Variants in COLEC12 observed in about 807,000 individuals in gnomAD.
The protein encoded by COLEC12 is collectin-12.
COLEC12 carries 33 observed loss-of-function variants against 71.1 expected under a neutral mutation model. That is an observed-to-expected ratio of 0.46 (90% CI 0.35 to 0.62). The LOEUF is 0.62. Ranked by LOEUF, COLEC12 falls within the 20% of genes least tolerant of loss-of-function variation. The pLI is 0.00. For synonymous variants in COLEC12, 350 were observed against 353.0 expected (o/e 0.99, Z 0.10); for missense variants, 765 against 916.1 (o/e 0.84, Z 2.13).
At chr18:446,126 A>G (rs1405817281) in intron 2 of COLEC12, among the ~76,000 whole-genome samples, 2 of 152,168 alleles carry the variant, frequency 1.3e-5, no homozygotes, top group East Asian at 3.8e-4. Flanking sequence ...CATTTTATTT[A>G]TCATTTACCA....
chr18:347,596 A>G (rs1914414112), intron 4 of COLEC12, among the ~76,000 whole-genome samples: 1 of 152,184 alleles, frequency 6.6e-6, no homozygotes, highest in South Asian at 2.1e-4. Context: ...GGAATTTACT[A>G]GATTTTAGGG....
intron 2 of COLEC12, among the ~76,000 whole-genome samples, chr18:420,533 A>T (rs781324519): frequency 1.3e-4 from 20 of 152,282 alleles, no homozygotes; most frequent in Middle Eastern, 3.4e-3. Flanking sequence ...AGCGATAAAA[A>T]ATTTTCTAGG....
intron 3 of COLEC12, among the ~76,000 whole-genome samples, chr18:350,959 CA>C (rs71174228): frequency 0.083 from 5,520 of 66,312 alleles, 231 homozygotes; most frequent in African/African-American, 0.23. Context: ...GACTCTGTCT[CA>C]AAAAAAAAAA....
At chr18:352,118 A>T (rs1914536187) in intron 3 of COLEC12, among the ~76,000 whole-genome samples, 1 of 152,320 alleles carries the variant, frequency 6.6e-6, no homozygotes, top group South Asian at 2.1e-4. Context: ...AGACAGAGAG[A>T]TGCAGTTCTA....
intron 2 of COLEC12, among the ~76,000 whole-genome samples, chr18:425,425 C>T (rs961221351): frequency 1.3e-5 from 2 of 152,158 alleles, no homozygotes; most frequent in African/African-American, 4.8e-5. Context: ...CCTCCTATCC[C>T]TTCTCAATTA....
At chr18:463,391 T>C (rs894460856) in intron 2 of COLEC12, among the ~76,000 whole-genome samples, 2 of 152,218 alleles carry the variant, frequency 1.3e-5, no homozygotes, top group Admixed American at 6.5e-5. Flanking sequence ...AATTGTTGCA[T>C]TTGGCCAGAA....
At chr18:419,330 T>C (rs533811794) in intron 2 of COLEC12, among the ~76,000 whole-genome samples, 1 of 152,124 alleles carries the variant, frequency 6.6e-6, no homozygotes, top group Non-Finnish European at 1.5e-5. Context: ...CTCAGCCTCC[T>C]GAGTAGCTGG....
Position 365,638 on chromosome 18 carries a change from G to GT in COLEC12, c.59-8117dup, listed in dbSNP as rs1445540346. On this transcript the variant is annotated intron_variant, in intron 2 of 9. Coordinates refer to ENST00000400256, the MANE Select transcript of COLEC12 (RefSeq NM_130386.3). ...AGGCAAGGAAGAAGGTGACAGGAGG[G>GT]TTTATCAGATGGCGATTAAAAAATT... is the stretch of plus-strand genomic sequence containing the variant. 2.0e-5 allele frequency among the ~76,000 whole-genome samples: 3 copies of GT among 152,086 alleles called. No individual in the cohort carries two copies. The East Asian group carries it at 5.8e-4, about 29-fold the overall frequency.
chr18:327,413 G>C lies in COLEC12; in HGVS notation c.2063+4255C>G, dbSNP rs867897401. ...TGGGGACCCATCCTTGGAACTGTCC[G>C]GGCCATTGCAGGTGGCATCTCACGC... On this transcript the variant is annotated intron_variant, in intron 8 of 9. Coordinates refer to ENST00000400256, the MANE Select transcript of COLEC12 (RefSeq NM_130386.3). This position sits in a 1 kb window ranked among gnomAD's most constrained non-coding sequence, Gnocchi z 4.0. Among the ~76,000 whole-genome samples, 1 of 152,092 alleles carries C rather than the reference G, an allele frequency of 6.6e-6. No individual in the cohort carries two copies. Among genetic ancestry groups the C allele is most frequent in the Non-Finnish European group, 1.5e-5 (1 of 68,032 alleles).
intron 2 of COLEC12, among the ~76,000 whole-genome samples, chr18:439,865 A>G (rs1268034293): frequency 6.6e-6 from 1 of 152,220 alleles, no homozygotes; most frequent in East Asian, 1.9e-4. Context: ...AAACAAAATC[A>G]GTATCTTAAA....
At chr18:422,740 C>T (rs973553090) in intron 2 of COLEC12, among the ~76,000 whole-genome samples, 1 of 152,106 alleles carries the variant, frequency 6.6e-6, no homozygotes, top group Admixed American at 6.5e-5. Flanking sequence ...ACATTCTAAG[C>T]ATGTACATAT....
chr18:349,674 G>A (rs1437305326), intron 3 of COLEC12, among the ~76,000 whole-genome samples: 2 of 152,210 alleles, frequency 1.3e-5, no homozygotes, highest in South Asian at 2.1e-4. Context: ...GAGAGAGGCT[G>A]TACCCTGCAA....
chr18:446,171 C>G (rs1916645027), intron 2 of COLEC12, among the ~76,000 whole-genome samples: 1 of 152,102 alleles, frequency 6.6e-6, no homozygotes, highest in South Asian at 2.1e-4. Context: ...CACTTTTTCA[C>G]TCTTATGAAT....
chr18:413,921 T>G (rs1915939782), intron 2 of COLEC12, among the ~76,000 whole-genome samples: 1 of 152,244 alleles, frequency 6.6e-6, no homozygotes, highest in Non-Finnish European at 1.5e-5. Flanking sequence ...TACTCTATGA[T>G]TCCATTGATA....
At chr18:466,255 A>G (rs905172190) in intron 2 of COLEC12, among the ~76,000 whole-genome samples, 1 of 152,076 alleles carries the variant, frequency 6.6e-6, no homozygotes, top group African/African-American at 2.4e-5. Flanking sequence ...ACAAAAAACA[A>G]ATAAAAAATT....
At chr18:423,756 T>TGGTTG (rs1916145467) in intron 2 of COLEC12, 1 of 152,264 alleles carries the variant, frequency 6.6e-6, no homozygotes, top group African/African-American at 2.4e-5. Flanking sequence ...TTGTTTTTTT[T>TGGTTG]TGTTTTGTTT....
At chr18:455,068 G>T (rs1181593369) in intron 2 of COLEC12, among the ~76,000 whole-genome samples, 1 of 152,098 alleles carries the variant, frequency 6.6e-6, no homozygotes, top group African/African-American at 2.4e-5. Flanking sequence ...CACCAGTAGA[G>T]CCACCTTTAT....
intron 2 of COLEC12, among the ~76,000 whole-genome samples, chr18:398,065 A>C (rs1244651034): frequency 4.7e-4 from 1 of 2,148 alleles, no homozygotes; most frequent in African/African-American, 5.1e-4. Context: ...GTTACCAAAA[A>C]AACACAAAAA....
chr18:373,952 C>G (rs1915057799), intron 2 of COLEC12, among the ~76,000 whole-genome samples: 1 of 152,228 alleles, frequency 6.6e-6, no homozygotes, highest in African/African-American at 2.4e-5. Context: ...CTTGGGCCTC[C>G]TCTTGCATGC....
Sources: gnomAD v4.1 joint callset for allele counts (sites outside exome capture counted in the v4.1 genomes callset) on GRCh38, gnomAD v4.1.1 for gene constraint, Gnocchi (gnomAD v3.1) non-coding constraint, MANE v1.5 for transcripts, NCBI Gene and HGNC (gene_info 2026-07-23, HGNC 2026-07-21) for gene names.